Variants in TESK2 observed in about 807,000 individuals in gnomAD.
TESK2 encodes dual specificity testis-specific protein kinase 2.
In TESK2, 39 loss-of-function variants were observed where a neutral mutation model predicts 57.1. That is an observed-to-expected ratio of 0.68 (90% CI 0.53 to 0.89). The LOEUF is 0.89. TESK2 is among the 40% of genes least tolerant of loss of function. The pLI is 0.00. For missense variants in TESK2, 646 were observed against 732.1 expected, an observed-to-expected ratio of 0.88 and a Z score of 1.36; for synonymous variants, 249 against 267.9, an observed-to-expected ratio of 0.93 and a Z score of 0.69.
At chr1:45,436,067 C>T (rs1467410990) in intron 2 of TESK2, among the ~76,000 whole-genome samples, 2 of 151,804 alleles carry the variant, frequency 1.3e-5, no homozygotes, top group Non-Finnish European at 2.9e-5. Context: ...TATGATGCCT[C>T]CAGCTTTGTT....
chr1:45,353,583 T>C lies in TESK2; in HGVS notation c.540+1720A>G, dbSNP rs138737317. ...GGCAGAAGGAGTAGGAGTATGTGCATGCATATGTGAATATGTGTACATGTA... is the reference window on the plus strand; with the variant it reads ...GGCAGAAGGAGTAGGAGTATGTGCACGCATATGTGAATATGTGTACATGTA... On this transcript the variant is annotated intron_variant, in intron 5 of 10. Transcript: ENST00000372086. Among the ~76,000 whole-genome samples, 11 of 152,340 alleles carry C rather than the reference T, an allele frequency of 7.2e-5. No homozygotes were observed. In the East Asian group the frequency reaches 2.1e-3, roughly 29 times the overall value.
chr1:45,386,535 T>C (rs138602799), intron 3 of TESK2, among the ~76,000 whole-genome samples: 1 of 152,242 alleles, frequency 6.6e-6, no homozygotes, highest in African/African-American at 2.4e-5. Context: ...TTTTTAATTA[T>C]TTCAAGAGTT....
intron 1 of TESK2, among the ~76,000 whole-genome samples, chr1:45,463,609 G>A (rs1442430446): frequency 2.0e-5 from 3 of 151,912 alleles, no homozygotes; most frequent in Admixed American, 1.3e-4. Flanking sequence ...TTTGAGACAG[G>A]GTCTCACTCT....
chr1:45,465,079 A>C (rs1458299550), intron 1 of TESK2, among the ~76,000 whole-genome samples: 2 of 152,158 alleles, frequency 1.3e-5, no homozygotes, highest in Non-Finnish European at 2.9e-5. Context: ...TCTACTAAAA[A>C]TACAAAACTT....
At chr1:45,420,725 T>C (rs1650437581) in intron 3 of TESK2, among the ~76,000 whole-genome samples, 1 of 151,668 alleles carries the variant, frequency 6.6e-6, no homozygotes, top group Admixed American at 6.6e-5. Flanking sequence ...GCTGGGACTA[T>C]AGGCACGTGC....
At chr1:45,361,223 T>G in intron 4 of TESK2, among the ~76,000 whole-genome samples, 1 of 152,202 alleles carries the variant, frequency 6.6e-6, no homozygotes. Flanking sequence ...CAAATCCCTC[T>G]GCAGGAAGCA....
intron 1 of TESK2, among the ~76,000 whole-genome samples, chr1:45,484,931 C>T (rs1470182334): frequency 3.5e-5 from 5 of 141,102 alleles, no homozygotes; most frequent in Admixed American, 7.1e-5. Flanking sequence ...CTCGGGAGGC[C>T]GAGGCAGGAG....
At chr1:45,459,411 T>C (rs1290649643) in intron 1 of TESK2, among the ~76,000 whole-genome samples, 1 of 152,230 alleles carries the variant, frequency 6.6e-6, no homozygotes, top group East Asian at 1.9e-4. Flanking sequence ...CTAGTTAATC[T>C]AGTTCTACCA....
At chr1:45,391,708 C>G (rs867048243) in intron 3 of TESK2, among the ~76,000 whole-genome samples, 1 of 152,172 alleles carries the variant, frequency 6.6e-6, no homozygotes, top group Non-Finnish European at 1.5e-5. Context: ...ATCTTCTATA[C>G]AAAGGATCTC....
At chr1:45,475,209 C>CTTTTTTTTTTTTTTTTTT (rs375872140) in intron 1 of TESK2, among the ~76,000 whole-genome samples, 1 of 113,162 alleles carries the variant, frequency 8.8e-6, no homozygotes. Flanking sequence ...TTAGCCTGGC[C>CTTTTTTTTTTTTTTTTTT]TTTTTTTTTT....
At chr1:45,405,576 G>A (rs1279639646) in intron 3 of TESK2, among the ~76,000 whole-genome samples, 1 of 151,590 alleles carries the variant, frequency 6.6e-6, no homozygotes, top group East Asian at 1.9e-4. Flanking sequence ...CAGATCGCTT[G>A]AGCTCAGGAG....
chr1:45,388,499 T>C (rs774311514), intron 3 of TESK2, among the ~76,000 whole-genome samples: 40 of 152,214 alleles, frequency 2.6e-4, no homozygotes, highest in Non-Finnish European at 3.7e-4. Flanking sequence ...AATTAAGTTT[T>C]ACTAGAACAT....
chr1:45,387,395 T>C (rs561415061), intron 3 of TESK2, among the ~76,000 whole-genome samples: 2 of 152,262 alleles, frequency 1.3e-5, no homozygotes, highest in East Asian at 1.9e-4. Context: ...TGAGTATGAC[T>C]GATGATGATC....
chr1:45,461,344 C>T (rs527635321), intron 1 of TESK2, among the ~76,000 whole-genome samples: 104 of 152,238 alleles, frequency 6.8e-4, no homozygotes, highest in African/African-American at 2.4e-3. Context: ...CAGAGCAAGA[C>T]TCCGTCTCAA....
intron 5 of TESK2, among the ~76,000 whole-genome samples, chr1:45,348,512 G>A (rs2149263148): frequency 6.6e-6 from 1 of 152,284 alleles, no homozygotes; most frequent in South Asian, 2.1e-4. Context: ...GGCATTAAAA[G>A]TCTATGATCT....
chr1:45,443,427 C>T (rs947837257), intron 2 of TESK2, among the ~76,000 whole-genome samples: 2 of 104,494 alleles, frequency 1.9e-5, no homozygotes, highest in Non-Finnish European at 4.0e-5. Context: ...AAAAATTAGC[C>T]GAACATGTGG....
intron 3 of TESK2, among the ~76,000 whole-genome samples, chr1:45,420,000 G>T (rs750911117): frequency 6.6e-6 from 1 of 152,236 alleles, no homozygotes; most frequent in Non-Finnish European, 1.5e-5. Flanking sequence ...TAAGCCATAT[G>T]AGTTCTCTCT....
At chr1:45,403,245 AAAAG>A (rs1305386865) in intron 3 of TESK2, among the ~76,000 whole-genome samples, 1 of 151,854 alleles carries the variant, frequency 6.6e-6, no homozygotes, top group South Asian at 2.1e-4. Context: ...AAAAAAAAAA[AAAAG>A]AAAGAAAGAA....
At position 45,345,228 on chromosome 1, in the gene TESK2, C is replaced by G. The variant is rs1570629571; in HGVS notation, c.1328G>C (p.Trp443Ser). 6.2e-7 allele frequency: 1 copy of G among 1,614,188 alleles called. No homozygotes were observed. The highest frequency in any genetic ancestry group is 2.2e-5 in the East Asian group (1 of 44,890). ...PGPGTMPLAD[W>S]QEPLAPPIRR... The stretch of plus-strand genomic sequence containing the variant: ...AATAGGTGGGGCCAGGGGCTCCTGC[C>G]AGTCAGCCAGGGGCATAGTTCCGGG... The change falls in exon 11 of 11, where the codon TGG (tryptophan) becomes TCG (serine). Residue 443 changes from tryptophan (W) to serine (S), a missense_variant. Coordinates refer to ENST00000372086, the MANE Select transcript of TESK2 (RefSeq NM_007170.3).
Sources: gnomAD v4.1 joint callset for allele counts (sites outside exome capture counted in the v4.1 genomes callset) on GRCh38, gnomAD v4.1.1 for gene constraint, MANE v1.5 for transcripts, NCBI Gene and HGNC (gene_info 2026-07-23, HGNC 2026-07-21) for gene names.